SETBP1: variants seen among roughly 807,000 people sequenced by gnomAD.
The protein encoded by SETBP1 is SET-binding protein.
SETBP1 carries 9 observed loss-of-function variants against 101.0 expected under a neutral mutation model. The observed-to-expected ratio is 0.09, with a 90% CI of 0.05 to 0.16. The LOEUF is 0.16. Among genes scored for constraint, SETBP1 ranks in the 10% least tolerant of loss-of-function variants. The probability of loss-of-function intolerance (pLI) is 1.00; values close to 1 mark genes in which losing one functional copy is unlikely to be tolerated. For synonymous variants in SETBP1, 818 were observed against 788.5 expected, an observed-to-expected ratio of 1.04 and a Z score of -0.63; for missense variants, 1,858 against 2,033.8, an observed-to-expected ratio of 0.91 and a Z score of 1.66.
chr18:44,920,119 T>G (rs1458916668), intron 3 of SETBP1, among the ~76,000 whole-genome samples: 1 of 152,168 alleles, frequency 6.6e-6, no homozygotes, highest in Non-Finnish European at 1.5e-5. Flanking sequence ...GCAAGAAACT[T>G]ACCTGATCTC....
chr18:44,802,565 G>C (rs1561996), intron 2 of SETBP1, among the ~76,000 whole-genome samples: 151,096 of 152,276 alleles, frequency 0.99, 74,975 homozygotes, highest in Middle Eastern at 1. Context: ...TAGATTCCAG[G>C]TGTATCTTCC....
intron 2 of SETBP1, among the ~76,000 whole-genome samples, chr18:44,715,209 T>C (rs1568105469): frequency 1.3e-5 from 2 of 152,214 alleles, no homozygotes; most frequent in African/African-American, 4.8e-5. Flanking sequence ...GCCCTGGCTG[T>C]GGGTAAACTC....
intron 4 of SETBP1, among the ~76,000 whole-genome samples, chr18:44,985,034 G>A (rs537326843): frequency 3.3e-5 from 5 of 152,168 alleles, no homozygotes; most frequent in South Asian, 2.1e-4. Flanking sequence ...CCAGCTACTC[G>A]GGAGGCTGAA....
At chr18:44,976,041 A>G (rs1172967666) in intron 4 of SETBP1, among the ~76,000 whole-genome samples, 2 of 150,306 alleles carry the variant, frequency 1.3e-5, no homozygotes, top group Non-Finnish European at 3.0e-5. Flanking sequence ...ATGTATATTC[A>G]GTGTTTAGTA....
intron 2 of SETBP1, among the ~76,000 whole-genome samples, chr18:44,823,246 G>A (rs1257606864): frequency 6.6e-6 from 1 of 152,194 alleles, no homozygotes; most frequent in African/African-American, 2.4e-5. Context: ...GTGGATACTG[G>A]TTACTTGCAA....
chr18:44,945,496 C>T (rs1599358237), intron 3 of SETBP1, among the ~76,000 whole-genome samples: 1 of 152,124 alleles, frequency 6.6e-6, no homozygotes, highest in Admixed American at 6.5e-5. Flanking sequence ...ACATGGAAAA[C>T]ATTTTTCTTA....
chr18:44,797,034 TG>T lies in SETBP1; in HGVS notation c.487-72195del, dbSNP rs1337670362. On this transcript the variant is annotated intron_variant, in intron 2 of 5. Coordinates refer to ENST00000649279, the MANE Select transcript of SETBP1 (RefSeq NM_015559.3). ...TTGTTCTCTGAACTTGATCTGCCAG[TG>T]ATGTATTAATTAGCTGGGGCACTGC... 2.0e-5 allele frequency among the ~76,000 whole-genome samples: 3 copies of T among 152,292 alleles called. No homozygotes were observed. In the South Asian group the frequency reaches 6.2e-4, roughly 32 times the overall value.
At chr18:45,046,211 G>A (rs1475248426) in intron 5 of SETBP1, among the ~76,000 whole-genome samples, 1 of 152,190 alleles carries the variant, frequency 6.6e-6, no homozygotes, top group Non-Finnish European at 1.5e-5. Context: ...ATAAGTAATT[G>A]CTAAATATTA....
At chr18:44,977,390 G>A (rs2072013632) in intron 4 of SETBP1, among the ~76,000 whole-genome samples, 2 of 152,250 alleles carry the variant, frequency 1.3e-5, no homozygotes, top group Non-Finnish European at 2.9e-5. Flanking sequence ...CAATCAAGAA[G>A]GAGCACCCGC....
At chr18:45,029,846 TAG>T (rs2073252358) in intron 4 of SETBP1, among the ~76,000 whole-genome samples, 1 of 152,180 alleles carries the variant, frequency 6.6e-6, no homozygotes, top group African/African-American at 2.4e-5. Flanking sequence ...CTTGTGATTT[TAG>T]TACATTGATT....
chr18:44,772,064 G>A (rs1210717325), intron 2 of SETBP1, among the ~76,000 whole-genome samples: 1 of 152,098 alleles, frequency 6.6e-6, no homozygotes, highest in Non-Finnish European at 1.5e-5. Flanking sequence ...CATTTGTTTT[G>A]ACCTTTAAAC....
At chr18:44,844,893 G>A (rs2072694830) in intron 2 of SETBP1, among the ~76,000 whole-genome samples, 1 of 152,212 alleles carries the variant, frequency 6.6e-6, no homozygotes, top group South Asian at 2.1e-4. Flanking sequence ...CGGTAGACAA[G>A]AGTCTAGGAA....
At chr18:44,982,192 C>G (rs1485814540) in intron 4 of SETBP1, among the ~76,000 whole-genome samples, 1 of 152,192 alleles carries the variant, frequency 6.6e-6, no homozygotes, top group Non-Finnish European at 1.5e-5. Flanking sequence ...TTATCCTATA[C>G]AGGTGTAAAA....
At chr18:44,919,347 CTTT>C (rs537734514) in intron 3 of SETBP1, among the ~76,000 whole-genome samples, 3 of 138,822 alleles carry the variant, frequency 2.2e-5, no homozygotes, top group Non-Finnish European at 4.7e-5. Flanking sequence ...ATCCCCCCAT[CTTT>C]TTTTTTTTTT....
intron 2 of SETBP1, among the ~76,000 whole-genome samples, chr18:44,834,680 G>A (rs2067457771): frequency 6.6e-6 from 1 of 152,210 alleles, no homozygotes; most frequent in Admixed American, 6.5e-5. Context: ...TCAAATGTCA[G>A]GAGATGTGGC....
At chr18:44,735,908 G>C (rs1308896964) in intron 2 of SETBP1, among the ~76,000 whole-genome samples, 1 of 152,184 alleles carries the variant, frequency 6.6e-6, no homozygotes, top group Non-Finnish European at 1.5e-5. Flanking sequence ...GGCAGTTTCA[G>C]CCTGAGGAAC....
chr18:45,044,583 C>G (rs927089642), intron 5 of SETBP1, among the ~76,000 whole-genome samples: 2 of 152,046 alleles, frequency 1.3e-5, no homozygotes, highest in African/African-American at 4.8e-5. Context: ...TCTGAACCTC[C>G]TAGAGCAGCT....
rs780510246 is a variant in SETBP1 at position 44,952,603 on chromosome 18, C to A, written c.3263C>A (p.Pro1088Gln). The part of the protein sequence containing the change: ...TLGAASPFMR[P>Q]TVPPPQFHTN... ...GGAGCAGCTTCCCCATTCATGAGGCCAACAGTGCCACCACCTCAGTTCCAC... is the reference window on the plus strand; with the variant it reads ...GGAGCAGCTTCCCCATTCATGAGGCAAACAGTGCCACCACCTCAGTTCCAC... The change falls in exon 4 of 6, where the codon CCA (proline) becomes CAA (glutamine). Residue 1088 changes from proline to glutamine, a missense_variant. This residue lies in a region of SETBP1 where 255 missense variants were observed against 300.1 expected (regional missense o/e 0.85). Coordinates refer to ENST00000649279, the MANE Select transcript of SETBP1 (RefSeq NM_015559.3). The A allele has an allele frequency of 1.2e-6, 2 of 1,612,940 alleles. No homozygotes were observed. Among genetic ancestry groups the A allele is most frequent in the African/African-American group, 1.3e-5 (1 of 74,732 alleles).
chr18:44,874,254 G>A (rs995893031), intron 3 of SETBP1, among the ~76,000 whole-genome samples: 3 of 152,062 alleles, frequency 2.0e-5, no homozygotes, highest in Non-Finnish European at 2.9e-5. Context: ...AAATGTTTTC[G>A]AATACTCAGT....
Sources: gnomAD v4.1 joint callset for allele counts (sites outside exome capture counted in the v4.1 genomes callset) on GRCh38, gnomAD v4.1.1 for gene constraint, gnomAD v4.1.1 regional missense constraint, MANE v1.5 for transcripts, NCBI Gene and HGNC (gene_info 2026-07-23, HGNC 2026-07-21) for gene names.